Variants in PPFIA1 observed in about 807,000 individuals in gnomAD.
The protein encoded by PPFIA1 is liprin-alpha-1.
A neutral mutation model predicts 149.9 loss-of-function variants in PPFIA1; 25 were observed. That is an observed-to-expected ratio of 0.17 (90% CI 0.12 to 0.23). The LOEUF (loss-of-function observed/expected upper bound fraction) is 0.23. PPFIA1 is among the 10% of genes least tolerant of loss of function. The pLI, the probability that PPFIA1 is intolerant of heterozygous loss-of-function variation, is 1.00. For missense variants in PPFIA1, 1,362 were observed against 1,506.5 expected, an observed-to-expected ratio of 0.90 and a Z score of 1.59; for synonymous variants, 549 against 552.8, an observed-to-expected ratio of 0.99 and a Z score of 0.10.
Position 70,337,435 on chromosome 11 carries a change from A to G in PPFIA1, c.1491+8A>G, listed in dbSNP as rs760492968. 5.7e-6 allele frequency: 9 copies of G among 1,575,258 alleles called. No individual in the cohort carries two copies. In the African/African-American group the frequency reaches 1.1e-4, roughly 19 times the overall value. On this transcript the variant is annotated splice_region_variant and intron_variant, in intron 12 of 27. Coordinates refer to ENST00000253925, the MANE Select transcript of PPFIA1 (RefSeq NM_003626.5). ...GAAACACAACACGATAAGGTACTGA[A>G]ATCTTCTCTAAATCCATGAAGAGCC...
intron 14 of PPFIA1, among the ~76,000 whole-genome samples, chr11:70,343,047 A>G (rs1382011524): frequency 6.9e-6 from 1 of 144,816 alleles, no homozygotes; most frequent in East Asian, 2.0e-4. Context: ...TCCCAGGTTC[A>G]AGCAATTCTC....
chr11:70,350,132 C>A, intron 16 of PPFIA1: 1 of 326,880 alleles, frequency 3.1e-6, no homozygotes, highest in South Asian at 2.4e-5. Context: ...TTAAAAGTAT[C>A]TTTTTCTCAA....
rs544030743 is a variant in PPFIA1, at chr11:70,291,340, CTGAG to C, written c.264+18906_264+18909del. Among the ~76,000 whole-genome samples, 5 of 152,320 alleles carry C rather than the reference CTGAG, an allele frequency of 3.3e-5. No individual in the cohort carries two copies. In the South Asian group the frequency reaches 1.0e-3, roughly 32 times the overall value. On this transcript the variant is annotated intron_variant, in intron 2 of 27. Transcript: ENST00000253925. ...GCAGGATGAGATGATTTCGAATAGCCTGAGTATTAATTTGAATAGTGTGACGTGG... is the reference window on the plus strand; with the variant it reads ...GCAGGATGAGATGATTTCGAATAGCCTATTAATTTGAATAGTGTGACGTGG...
At chr11:70,305,441 C>T (rs1159458337) in intron 2 of PPFIA1, among the ~76,000 whole-genome samples, 3 of 152,092 alleles carry the variant, frequency 2.0e-5, no homozygotes, top group African/African-American at 4.8e-5. Context: ...GGCATGATCA[C>T]GGCTCCTGCA....
chr11:70,360,655 T>C (rs2056594459), intron 19 of PPFIA1, among the ~76,000 whole-genome samples: 1 of 152,264 alleles, frequency 6.6e-6, no homozygotes, highest in African/African-American at 2.4e-5. Context: ...ACCTGGTGAT[T>C]GGCGCCATGC....
intron 4 of PPFIA1, 117 bp downstream of exon 4, chr11:70,325,128 C>T (rs971800526): frequency 2.9e-6 from 3 of 1,021,924 alleles, no homozygotes; most frequent in Admixed American, 3.1e-5. Flanking sequence ...AATAACTTCT[C>T]TAAGAAGACA....
Position 70,378,124 on chromosome 11 carries a change from TCC to T in PPFIA1, c.3481_3482del (p.Pro1161CysfsTer55). 3.7e-6 allele frequency: 6 copies of T among 1,614,182 alleles called. No individual in the cohort carries two copies. Among genetic ancestry groups the T allele is most frequent in the Non-Finnish European group, 5.1e-6 (6 of 1,180,026 alleles). On this transcript the variant is annotated frameshift_variant, in exon 26 of 28. Transcript: ENST00000253925. LOFTEE classifies it high-confidence loss of function. ...TTAGCTGCTGGGTCAGCAGAGACTC[TCC>T]CTGCAAACTTCCGGGTGACTTCTTC...
At chr11:70,349,792 A>T in intron 16 of PPFIA1, 3 of 385,600 alleles carry the variant, frequency 7.8e-6, no homozygotes, top group Non-Finnish European at 1.5e-5. Flanking sequence ...TTCTGTCCAG[A>T]GAATTCGTAA....
intron 2 of PPFIA1, among the ~76,000 whole-genome samples, chr11:70,320,415 A>C (rs911048235): frequency 1.3e-4 from 20 of 148,946 alleles, no homozygotes; most frequent in Non-Finnish European, 2.5e-4. Context: ...TGTTCAGTGG[A>C]GTTAGAACTA....
intron 2 of PPFIA1, among the ~76,000 whole-genome samples, chr11:70,322,228 CT>C (rs1263967373): frequency 2.6e-5 from 4 of 152,116 alleles, no homozygotes; most frequent in African/African-American, 9.7e-5. Context: ...TGCTTTTTGC[CT>C]GCAAGAGAAA....
At chr11:70,272,934 A>G (rs1196143932) in intron 2 of PPFIA1, among the ~76,000 whole-genome samples, 1 of 152,256 alleles carries the variant, frequency 6.6e-6, no homozygotes, top group Non-Finnish European at 1.5e-5. Context: ...TTTAGGGGAT[A>G]GAAGACTCGA....
intron 26 of PPFIA1, among the ~76,000 whole-genome samples, chr11:70,380,470 G>A (rs904282070): frequency 6.6e-6 from 1 of 151,820 alleles, no homozygotes; most frequent in Non-Finnish European, 1.5e-5. Flanking sequence ...CCAGCTACTC[G>A]GGAGGCTGGG....
In PPFIA1 at chr11:70,355,575, G is replaced by A. The variant is rs115365180; in HGVS notation, c.2316-64G>A. On this transcript the variant is annotated intron_variant, in intron 17 of 27. Transcript: ENST00000253925. ...TGGAAGTGCTTGTAGGGAAGTTTGC[G>A]ACTGTTAATATGTGAAGTATCCTAC... is the stretch of plus-strand genomic sequence containing the variant. 1,313 of 1,461,584 alleles carry A rather than the reference G, an allele frequency of 9.0e-4. 10 individuals carry two copies. The African/African-American group carries it at 0.017, about 19-fold the overall frequency. The allele number at this position is 1,461,584 out of a possible 1,614,324, so 90.5% of individuals were successfully genotyped here.
chr11:70,351,653 G>A (rs2056061559), intron 16 of PPFIA1, among the ~76,000 whole-genome samples: 1 of 152,250 alleles, frequency 6.6e-6, no homozygotes, highest in East Asian at 1.9e-4. Context: ...AGATTTTTGG[G>A]TTTGGGATGC....
At chr11:70,289,225 C>A (rs1372384913) in intron 2 of PPFIA1, among the ~76,000 whole-genome samples, 1 of 152,006 alleles carries the variant, frequency 6.6e-6, no homozygotes, top group African/African-American at 2.4e-5. Context: ...CCTGTCTTGG[C>A]CTCCCAAAGT....
At chr11:70,311,085 G>A (rs10466733) in intron 2 of PPFIA1, among the ~76,000 whole-genome samples, 10,946 of 152,166 alleles carry the variant, frequency 0.072, 1,378 homozygotes, top group African/African-American at 0.25. Flanking sequence ...CGAGGTGGGC[G>A]GATCACCTGA....
chr11:70,325,469 C>CAG (rs1383720425), intron 4 of PPFIA1, 31 bp from the exon 5 acceptor site: 1 of 1,462,836 alleles, frequency 6.8e-7, no homozygotes, highest in Non-Finnish European at 9.6e-7. Context: ...TATACACACA[C>CAG]ACACACAAAC....
At chr11:70,326,943 A>G (rs981515308) in intron 7 of PPFIA1, 125 bp downstream of exon 7, 8 of 793,864 alleles carry the variant, frequency 1.0e-5, no homozygotes, top group Non-Finnish European at 1.2e-5. Flanking sequence ...GGATTATTGT[A>G]TAAGTTATAT....
chr11:70,332,743 G>A (rs535377341), intron 9 of PPFIA1, among the ~76,000 whole-genome samples: 1 of 152,312 alleles, frequency 6.6e-6, no homozygotes, highest in East Asian at 1.9e-4. Context: ...CCCAGCCTCT[G>A]GGGCGTGGGG....
Sources: gnomAD v4.1 joint callset for allele counts (sites outside exome capture counted in the v4.1 genomes callset) on GRCh38, gnomAD v4.1.1 for gene constraint, MANE v1.5 for transcripts, NCBI Gene and HGNC (gene_info 2026-07-23, HGNC 2026-07-21) for gene names.